The following PHLPP1 variants were observed in gnomAD, a reference collection of about 807,000 sequenced individuals.
The protein encoded by PHLPP1 is PH domain leucine-rich repeat-containing protein phosphatase 1.
A neutral mutation model predicts 117.2 loss-of-function variants in PHLPP1; 42 were observed. That is an observed-to-expected ratio of 0.36 (90% CI 0.28 to 0.46). The LOEUF (loss-of-function observed/expected upper bound fraction) is 0.46. Ranked by LOEUF, PHLPP1 falls within the 20% of genes least tolerant of loss-of-function variation. The probability of loss-of-function intolerance (pLI) is 1.00; values close to 1 mark genes in which losing one functional copy is unlikely to be tolerated. For missense variants in PHLPP1, 2,084 were observed against 2,241.9 expected (o/e 0.93, Z 1.42); for synonymous variants, 1,042 against 970.7 (o/e 1.07, Z -1.37).
intron 13 of PHLPP1, among the ~76,000 whole-genome samples, chr18:62,960,801 A>G (rs1398723784): frequency 6.6e-6 from 1 of 152,220 alleles, no homozygotes; most frequent in African/African-American, 2.4e-5. Flanking sequence ...AAAGTTTCCT[A>G]TAGCAAAAAA....
chr18:62,953,968 A>G (rs977779829), intron 12 of PHLPP1, among the ~76,000 whole-genome samples: 4 of 152,246 alleles, frequency 2.6e-5, no homozygotes, highest in South Asian at 2.1e-4. Context: ...ATACTTTGCT[A>G]TGAACATTGA....
chr18:62,795,403 GGGA>G (rs1417295826), intron 1 of PHLPP1, among the ~76,000 whole-genome samples: 1 of 151,060 alleles, frequency 6.6e-6, no homozygotes, highest in Non-Finnish European at 1.5e-5. Context: ...GCTTGAACCC[GGGA>G]GGTGGAGGTT....
At chr18:62,773,407 A>C (rs1158104816) in intron 1 of PHLPP1, among the ~76,000 whole-genome samples, 1 of 152,100 alleles carries the variant, frequency 6.6e-6, no homozygotes, top group East Asian at 1.9e-4. Flanking sequence ...TATGGCCTTG[A>C]TATAGTTTAC....
chr18:62,938,574 G>A (rs753327089), intron 10 of PHLPP1, among the ~76,000 whole-genome samples: 3 of 152,126 alleles, frequency 2.0e-5, no homozygotes, highest in Non-Finnish European at 4.4e-5. Flanking sequence ...CTATTAACCA[G>A]CAAGGTGATT....
chr18:62,789,437 C>T (rs904363007), intron 1 of PHLPP1, among the ~76,000 whole-genome samples: 39 of 152,104 alleles, frequency 2.6e-4, no homozygotes, highest in Non-Finnish European at 4.1e-4. Context: ...GTCACATGGA[C>T]AAATAACGTT....
chr18:62,937,395 A>AT (rs1337005222), intron 10 of PHLPP1, among the ~76,000 whole-genome samples: 1 of 152,220 alleles, frequency 6.6e-6, no homozygotes, highest in African/African-American at 2.4e-5. Flanking sequence ...TGTTTTAAGA[A>AT]TTGAGTTTGA....
chr18:62,742,122 A>G (rs1911547136), intron 1 of PHLPP1, among the ~76,000 whole-genome samples: 2 of 152,134 alleles, frequency 1.3e-5, no homozygotes, highest in East Asian at 3.9e-4. Context: ...AATGTTCTTT[A>G]GATTTGTCTT....
intron 4 of PHLPP1, among the ~76,000 whole-genome samples, chr18:62,872,059 A>G (rs1915919206): frequency 6.6e-6 from 1 of 152,226 alleles, no homozygotes; most frequent in Non-Finnish European, 1.5e-5. Flanking sequence ...CGTACCCTCT[A>G]AAAGCCTCCA....
At chr18:62,826,293 G>A (rs1444621386) in intron 1 of PHLPP1, 2 of 394,828 alleles carry the variant, frequency 5.1e-6, no homozygotes, top group South Asian at 3.8e-5. Context: ...GAATACATTT[G>A]TTAGAAAATA....
In PHLPP1 at chr18:62,979,580, T is replaced by G; in HGVS notation, c.*149T>G. ...CATCGCAGCTAATCTGTAGGTTCTCTTTCTTTGGGTTATTTTTTTAAGTAA... is the reference window on the plus strand; with the variant it reads ...CATCGCAGCTAATCTGTAGGTTCTCGTTCTTTGGGTTATTTTTTTAAGTAA... On this transcript the variant is annotated 3_prime_UTR_variant, in exon 17 of 17. Coordinates refer to ENST00000262719, the MANE Select transcript of PHLPP1 (RefSeq NM_194449.4). The G allele has an allele frequency of 1.2e-6, 1 of 814,602 alleles. No individual in the cohort carries two copies. The highest frequency in any genetic ancestry group is 1.9e-6 in the Non-Finnish European group (1 of 528,132). The allele number at this position is 814,602 out of a possible 1,614,324, so 50.5% of individuals were successfully genotyped here. A position where few individuals can be genotyped will look rare whatever the true frequency, so the allele number is the denominator to read the frequency against.
intron 2 of PHLPP1, among the ~76,000 whole-genome samples, chr18:62,836,381 G>A (rs1171557282): frequency 1.3e-5 from 2 of 151,188 alleles, no homozygotes; most frequent in Admixed American, 1.3e-4. Flanking sequence ...GCAGTGAGCT[G>A]AGATCGTGCC....
chr18:62,945,366 AT>A, intron 12 of PHLPP1, 95 bp downstream of exon 12: 1 of 1,066,366 alleles, frequency 9.4e-7, no homozygotes, highest in Non-Finnish European at 1.3e-6. Context: ...TCTTTGTTGG[AT>A]TTATTCAGAA....
intron 1 of PHLPP1, among the ~76,000 whole-genome samples, chr18:62,788,948 A>AT (rs1913379673): frequency 6.6e-6 from 1 of 152,202 alleles, no homozygotes; most frequent in South Asian, 2.1e-4. Context: ...GTTTAAAAAA[A>AT]AATAATAAAA....
intron 6 of PHLPP1, among the ~76,000 whole-genome samples, chr18:62,896,261 G>A (rs1036651585): frequency 6.7e-6 from 1 of 149,498 alleles, no homozygotes; most frequent in Non-Finnish European, 1.5e-5. Context: ...GTTTTTTGTT[G>A]TTGTTGTTGG....
At chr18:62,726,963 C>T (rs988418542) in intron 1 of PHLPP1, among the ~76,000 whole-genome samples, 1 of 151,666 alleles carries the variant, frequency 6.6e-6, no homozygotes, top group Non-Finnish European at 1.5e-5. Context: ...TGCGGTGGCT[C>T]ACACCTGTAA....
intron 1 of PHLPP1, among the ~76,000 whole-genome samples, chr18:62,792,594 G>C (rs1913493774): frequency 6.6e-6 from 1 of 152,108 alleles, no homozygotes. Flanking sequence ...TTCTAAGCCA[G>C]ATGTGGTGGC....
chr18:62,898,440 G>A (rs962019497), intron 6 of PHLPP1, among the ~76,000 whole-genome samples: 1 of 152,056 alleles, frequency 6.6e-6, no homozygotes, highest in Non-Finnish European at 1.5e-5. Context: ...CACTGTGACT[G>A]TTGTCTTCTA....
intron 1 of PHLPP1, among the ~76,000 whole-genome samples, chr18:62,718,162 G>GT (rs754504860): frequency 1.3e-5 from 2 of 152,174 alleles, no homozygotes; most frequent in Non-Finnish European, 2.9e-5. Context: ...TTGTACTTGA[G>GT]TTTTCTAAGT....
intron 16 of PHLPP1, among the ~76,000 whole-genome samples, chr18:62,976,992 A>T (rs1269582790): frequency 2.0e-5 from 3 of 152,158 alleles, no homozygotes; most frequent in Non-Finnish European, 4.4e-5. Flanking sequence ...TCACAAAACC[A>T]TTGGTTTTGA....
Sources: gnomAD v4.1 joint callset for allele counts (sites outside exome capture counted in the v4.1 genomes callset) on GRCh38, gnomAD v4.1.1 for gene constraint, MANE v1.5 for transcripts, NCBI Gene and HGNC (gene_info 2026-07-23, HGNC 2026-07-21) for gene names.